MALRD1: variants seen among roughly 807,000 people sequenced by gnomAD.
MALRD1 encodes the protein MAM and LDL-receptor class A domain-containing protein 1.
MALRD1 carries 247 observed loss-of-function variants against 242.1 expected under a neutral mutation model. The ratio of observed to expected loss-of-function variants is 1.02; its 90% CI spans 0.92 to 1.13. The LOEUF (loss-of-function observed/expected upper bound fraction) is 1.13, where lower values mean the gene tolerates loss of function less well. Ranked by LOEUF, MALRD1 falls within the 50% of genes most tolerant of loss-of-function variation. The pLI is 0.00. For synonymous variants in MALRD1, 995 were observed against 866.6 expected (o/e 1.15, Z -2.60); for missense variants, 2,989 against 2,533.1 (o/e 1.18, Z -3.86).
chr10:19,151,365 A>G (rs1296130104), intron 11 of MALRD1, among the ~76,000 whole-genome samples: 2 of 152,176 alleles, frequency 1.3e-5, no homozygotes, highest in East Asian at 3.8e-4. Context: ...GCATTTTTAT[A>G]GAAAATATTG....
intron 34 of MALRD1, among the ~76,000 whole-genome samples, chr10:19,599,986 A>T (rs1381802535): frequency 2.0e-5 from 3 of 152,102 alleles, no homozygotes; most frequent in Admixed American, 6.6e-5. Context: ...GAAGGTGGAG[A>T]ATAGATCAGG....
At chr10:19,714,943 G>A (rs540764794) in intron 38 of MALRD1, among the ~76,000 whole-genome samples, 1 of 152,018 alleles carries the variant, frequency 6.6e-6, no homozygotes, top group Admixed American at 6.5e-5. Flanking sequence ...CAACTACATG[G>A]GTTTAAAATA....
At chr10:19,409,539 T>C (rs1404324728) in intron 28 of MALRD1, among the ~76,000 whole-genome samples, 2 of 152,194 alleles carry the variant, frequency 1.3e-5, no homozygotes, top group Non-Finnish European at 2.9e-5. Context: ...GAAAAGCAGG[T>C]ACAGCTATTA....
Position 19,048,978 on chromosome 10 carries a change from A to G in MALRD1, c.40A>G (p.Asn14Asp). The G allele has an allele frequency of 1.6e-6, 2 of 1,233,916 alleles. No homozygotes were observed. Among genetic ancestry groups the G allele is most frequent in the Non-Finnish European group, 2.0e-6 (2 of 988,150 alleles). 76.4% of individuals were successfully genotyped at this position (1,233,916 alleles called of 1,614,324 possible). ...GGACAGAATGTTGGCATTCCCCATGAATGAAACTTTTTGTTGCCTTTGGAT... is the reference window on the plus strand; with the variant it reads ...GGACAGAATGTTGGCATTCCCCATGGATGAAACTTTTTGTTGCCTTTGGAT... ...FLDRMLAFPM[N>D]ETFCCLWIAC... is the part of the protein sequence containing the mutation. Residue 14 changes from asparagine to aspartate, a missense_variant, in exon 1 of 40, where the codon AAT (asparagine) becomes GAT (aspartate). Physicochemically the swap from Asn to Asp is conservative, Grantham distance 23 (BLOSUM62 1). Transcript: ENST00000454679.
rs550348141 is a variant in MALRD1 at position 19,699,956 on chromosome 10, A to G, written c.6314+7402A>G. On this transcript the variant is annotated intron_variant, in intron 38 of 39. Transcript: ENST00000454679. ...TTGGGTGGCAACAAATAACCAAACT[A>G]TTAATATATCATAGTATATCAAAAG... Among the ~76,000 whole-genome samples, 6 of 152,032 alleles carry G rather than the reference A, an allele frequency of 3.9e-5. No homozygotes were observed. The East Asian group carries it at 7.8e-4, about 20-fold the overall frequency.
intron 32 of MALRD1, among the ~76,000 whole-genome samples, chr10:19,562,521 A>C (rs980411862): frequency 1.3e-4 from 19 of 151,964 alleles, no homozygotes; most frequent in Non-Finnish European, 2.2e-4. Context: ...AGGATTTTCT[A>C]CCCTTGTCTT....
intron 32 of MALRD1, among the ~76,000 whole-genome samples, chr10:19,563,791 A>G (rs1836120580): frequency 6.6e-6 from 1 of 152,196 alleles, no homozygotes; most frequent in African/African-American, 2.4e-5. Flanking sequence ...CACATCTGAT[A>G]TAGGTTGGAT....
intron 1 of MALRD1, among the ~76,000 whole-genome samples, chr10:19,056,155 CA>C (rs1834659812): frequency 6.6e-6 from 1 of 151,880 alleles, no homozygotes; most frequent in Non-Finnish European, 1.5e-5. Context: ...CTTTTTGCTC[CA>C]GATTGTTTTG....
intron 34 of MALRD1, among the ~76,000 whole-genome samples, chr10:19,603,910 C>G (rs925775182): frequency 6.6e-6 from 1 of 152,150 alleles, no homozygotes; most frequent in African/African-American, 2.4e-5. Flanking sequence ...GACTGCTCCA[C>G]CAACCAGCCA....
chr10:19,520,733 T>C (rs1315725902), intron 31 of MALRD1, among the ~76,000 whole-genome samples: 1 of 152,152 alleles, frequency 6.6e-6, no homozygotes, highest in African/African-American at 2.4e-5. Context: ...GTTTTTTACC[T>C]TAGTGATGTT....
chr10:19,530,365 A>C (rs1834309548), intron 31 of MALRD1, among the ~76,000 whole-genome samples: 1 of 105,088 alleles, frequency 9.5e-6, no homozygotes, highest in African/African-American at 6.4e-5. Flanking sequence ...ATATTTATAT[A>C]AATATTTATA....
At chr10:19,545,659 T>G (rs78344300) in intron 32 of MALRD1, among the ~76,000 whole-genome samples, 1 of 23,020 alleles carries the variant, frequency 4.3e-5, no homozygotes, top group Non-Finnish European at 6.2e-4. Flanking sequence ...TTCCTGGAAA[T>G]TTAATGAGCC....
In MALRD1 at chr10:19,331,282, C is replaced by A. The variant is rs559692668; in HGVS notation, c.3688-87C>A. Reference sequence around the variant, plus strand: ...AAAAACAAACAACAAAAAACAGATTCACGATTGATGTGCTTGATACTTAGT... The same window carrying A: ...AAAAACAAACAACAAAAAACAGATTAACGATTGATGTGCTTGATACTTAGT... On this transcript the variant is annotated intron_variant, in intron 23 of 39. Transcript: ENST00000454679. 5.5e-6 allele frequency: 6 copies of A among 1,081,766 alleles called. No individual in the cohort carries two copies. In the African/African-American group the frequency reaches 8.0e-5, roughly 14 times the overall value. 67.0% of individuals were successfully genotyped at this position (1,081,766 alleles called of 1,614,324 possible). A position where few individuals can be genotyped will look rare whatever the true frequency, so the allele number is the denominator to read the frequency against.
Position 19,357,433 on chromosome 10 carries a change from T to C in MALRD1, c.4441+5136T>C, listed in dbSNP as rs371716959. On this transcript the variant is annotated intron_variant, in intron 26 of 39. Coordinates refer to ENST00000454679, the MANE Select transcript of MALRD1 (RefSeq NM_001142308.3). ...TTTTTATATCTCTACCTGTATTCTT[T>C]AGGTGGTGTAAACATTTGACAGTAA... Among the ~76,000 whole-genome samples, 59 of 152,306 alleles carry C rather than the reference T, an allele frequency of 3.9e-4. 3 individuals carry two copies. In the South Asian group the frequency reaches 0.012, roughly 31 times the overall value.
intron 32 of MALRD1, among the ~76,000 whole-genome samples, chr10:19,557,896 A>G (rs577822639): frequency 2.6e-5 from 4 of 152,222 alleles, no homozygotes; most frequent in Admixed American, 2.0e-4. Flanking sequence ...AGTCTTCCTC[A>G]TGAAATAACA....
chr10:19,237,889 A>G (rs1431451850), intron 18 of MALRD1, among the ~76,000 whole-genome samples: 3 of 36,222 alleles, frequency 8.3e-5, no homozygotes, highest in African/African-American at 3.2e-4. Context: ...ATAGTTATAT[A>G]CATTATAAAT....
At chr10:19,246,644 C>T (rs973066013) in intron 18 of MALRD1, among the ~76,000 whole-genome samples, 1 of 152,092 alleles carries the variant, frequency 6.6e-6, no homozygotes, top group East Asian at 1.9e-4. Flanking sequence ...TATCTTGTGA[C>T]AGATGAAGCT....
intron 14 of MALRD1, among the ~76,000 whole-genome samples, chr10:19,175,684 G>A (rs1404226859): frequency 6.6e-6 from 1 of 151,612 alleles, no homozygotes; most frequent in African/African-American, 2.4e-5. Flanking sequence ...CTTCAAATGA[G>A]CATGTAATAA....
In MALRD1 at chr10:19,235,560, C is replaced by A. The variant is rs1838274251; in HGVS notation, c.2992-22124C>A. 3.1e-5 allele frequency among the ~76,000 whole-genome samples: 4 copies of A among 127,352 alleles called. No individual in the cohort carries two copies. The South Asian group carries it at 1.1e-3, about 36-fold the overall frequency. 83.5% of individuals were successfully genotyped at this position (127,352 alleles called of 152,430 possible). A position where few individuals can be genotyped will look rare whatever the true frequency, so the allele number is the denominator to read the frequency against. ...AGTAAATAAATACTCAGGACACACACACCCACACCCACACCCACAGAGAGA... is the reference window on the plus strand; with the variant it reads ...AGTAAATAAATACTCAGGACACACAAACCCACACCCACACCCACAGAGAGA... On this transcript the variant is annotated intron_variant, in intron 18 of 39. Coordinates refer to ENST00000454679, the MANE Select transcript of MALRD1 (RefSeq NM_001142308.3).
Sources: allele counts gnomAD v4.1 joint callset (sites outside exome capture counted in the v4.1 genomes callset), GRCh38; gene constraint gnomAD v4.1.1; transcripts MANE v1.5; gene names NCBI Gene and HGNC (gene_info 2026-07-23, HGNC 2026-07-21).